Variants in CCDC73 observed in about 807,000 individuals in gnomAD.
CCDC73 encodes the protein coiled-coil domain-containing protein 73.
A neutral mutation model predicts 116.5 loss-of-function variants in CCDC73; 95 were observed. The observed-to-expected ratio is 0.82, with a 90% CI of 0.69 to 0.97. CCDC73 has a LOEUF of 0.97. Ranked by LOEUF, CCDC73 falls within the 50% of genes least tolerant of loss-of-function variation. CCDC73 has a pLI of 0.00. For synonymous variants in CCDC73, 398 were observed against 401.3 expected, an observed-to-expected ratio of 0.99 and a Z score of 0.10; for missense variants, 1,066 against 1,206.8, an observed-to-expected ratio of 0.88 and a Z score of 1.73.
intron 12 of CCDC73, among the ~76,000 whole-genome samples, chr11:32,647,454 T>C (rs1855788982): frequency 6.6e-6 from 1 of 152,034 alleles, no homozygotes. Flanking sequence ...CATCTCAACA[T>C]GAGATTTGGG....
At position 32,675,921 on chromosome 11, in the gene CCDC73, A is replaced by T. The variant is rs776422524; in HGVS notation, c.530T>A (p.Leu177Ter). 1.2e-6 allele frequency: 2 copies of T among 1,607,908 alleles called. No homozygotes were observed. Among genetic ancestry groups the T allele is most frequent in the Non-Finnish European group, 1.7e-6 (2 of 1,177,714 alleles). Residue 177 changes from leucine (L) to a stop codon, truncating the protein, a stop_gained, in exon 8 of 18, where the codon TTG becomes TAG. Transcript: ENST00000335185. LOFTEE classifies it high-confidence loss of function. ...YYATITGQFGLVKENHEKLEQ... is the reference protein window; with the variant it reads ...YYATITGQFG ...TAACTTTTCATGATTCTCTTTTACC[A>T]ATCCAAATTGACCTGTTATTGTGGC...
At chr11:32,781,487 A>G (rs1461572080) in intron 1 of CCDC73, among the ~76,000 whole-genome samples, 1 of 152,210 alleles carries the variant, frequency 6.6e-6, no homozygotes, top group African/African-American at 2.4e-5. Flanking sequence ...TGCTGATACC[A>G]GGTACCTCTA....
At chr11:32,697,287 CTTTTA>C (rs1856319931) in intron 6 of CCDC73, among the ~76,000 whole-genome samples, 1 of 150,996 alleles carries the variant, frequency 6.6e-6, no homozygotes, top group South Asian at 2.1e-4. Context: ...TAAGAACTTT[CTTTTA>C]TATGATCATA....
intron 1 of CCDC73, among the ~76,000 whole-genome samples, chr11:32,783,698 C>G (rs562282784): frequency 4.6e-5 from 7 of 152,016 alleles, no homozygotes; most frequent in Non-Finnish European, 1.0e-4. Context: ...AGGACTCTGC[C>G]TTCATGACCT....
At position 32,675,323 on chromosome 11, in the gene CCDC73, T is replaced by C. The variant is rs564440587; in HGVS notation, c.645+242A>G. Among the ~76,000 whole-genome samples, 7 of 152,286 alleles carry C rather than the reference T, an allele frequency of 4.6e-5. No homozygotes were observed. In the East Asian group the frequency reaches 1.3e-3, roughly 29 times the overall value. On this transcript the variant is annotated intron_variant, in intron 9 of 17. Coordinates refer to ENST00000335185, the MANE Select transcript of CCDC73 (RefSeq NM_001008391.4). ...TGACATACAATGAATCCTTATAAGG[T>C]ATTCATGTGATCATAAAAATGCATG...
intron 12 of CCDC73, among the ~76,000 whole-genome samples, chr11:32,642,978 C>A (rs436895): frequency 6.6e-6 from 1 of 150,928 alleles, no homozygotes; most frequent in African/African-American, 2.4e-5. Context: ...CATAAAAGTA[C>A]GTAAAATATA....
At chr11:32,765,587 C>T (rs1172480099) in intron 1 of CCDC73, among the ~76,000 whole-genome samples, 1 of 152,114 alleles carries the variant, frequency 6.6e-6, no homozygotes, top group East Asian at 1.9e-4. Context: ...CACAACATAC[C>T]AGAATCTCTG....
At chr11:32,768,187 C>A (rs1272230456) in intron 1 of CCDC73, among the ~76,000 whole-genome samples, 2 of 152,112 alleles carry the variant, frequency 1.3e-5, no homozygotes, top group Non-Finnish European at 2.9e-5. Flanking sequence ...ATGGATGAAG[C>A]TGGAAACCAT....
intron 13 of CCDC73, among the ~76,000 whole-genome samples, chr11:32,640,602 T>A (rs1299027028): frequency 6.6e-6 from 1 of 152,186 alleles, no homozygotes; most frequent in Non-Finnish European, 1.5e-5. Context: ...TGTACTAGTA[T>A]ACCATTTAAC....
At chr11:32,643,956 T>C (rs1855754954) in intron 12 of CCDC73, among the ~76,000 whole-genome samples, 1 of 152,174 alleles carries the variant, frequency 6.6e-6, no homozygotes, top group Non-Finnish European at 1.5e-5. Flanking sequence ...ATATTTTCTT[T>C]CTTTATATCC....
intron 2 of CCDC73, among the ~76,000 whole-genome samples, chr11:32,746,805 G>A (rs893921659): frequency 1.3e-5 from 2 of 152,070 alleles, no homozygotes; most frequent in East Asian, 1.9e-4. Context: ...CTCTACACTG[G>A]TTATTCTAGT....
the CCDC73 span, among the ~76,000 whole-genome samples, chr11:32,826,660 CA>C: frequency 0.28 from 37,821 of 133,154 alleles, 5,526 homozygotes; most frequent in South Asian, 0.35. Flanking sequence ...AAAAAAAAAA[CA>C]AAAAAAAAAA....
intron 9 of CCDC73, among the ~76,000 whole-genome samples, chr11:32,668,255 A>C (rs1856005936): frequency 6.6e-6 from 1 of 152,196 alleles, no homozygotes; most frequent in Non-Finnish European, 1.5e-5. Flanking sequence ...ATGAATATTT[A>C]AGTATTCCTT....
chr11:32,607,512 C>G (rs1386892918), intron 17 of CCDC73, among the ~76,000 whole-genome samples: 2 of 152,156 alleles, frequency 1.3e-5, no homozygotes, highest in Non-Finnish European at 2.9e-5. Flanking sequence ...GAAATTTCCA[C>G]TGTTTGAAAG....
intron 2 of CCDC73, among the ~76,000 whole-genome samples, chr11:32,751,214 C>G (rs1554968551): frequency 6.6e-6 from 1 of 152,154 alleles, no homozygotes; most frequent in Non-Finnish European, 1.5e-5. Context: ...CTTACCTCTT[C>G]CCTCTCCTCT....
At chr11:32,610,656 A>G (rs1432212083) in intron 17 of CCDC73, among the ~76,000 whole-genome samples, 1 of 152,162 alleles carries the variant, frequency 6.6e-6, no homozygotes, top group Non-Finnish European at 1.5e-5. Context: ...ACTTTAATAC[A>G]TATATCCATA....
intron 17 of CCDC73, chr11:32,605,982 T>C (rs539262221): frequency 6.6e-6 from 1 of 150,786 alleles, no homozygotes; most frequent in Non-Finnish European, 1.5e-5. Context: ...ATTTTAAAAT[T>C]AAACTTAAAT....
At chr11:32,741,646 T>C (rs995437452) in intron 2 of CCDC73, among the ~76,000 whole-genome samples, 1 of 151,744 alleles carries the variant, frequency 6.6e-6, no homozygotes, top group African/African-American at 2.4e-5. Flanking sequence ...CCACGCTACA[T>C]GTTCTTTATG....
chr11:32,785,316 T>C (rs558608142), intron 1 of CCDC73, among the ~76,000 whole-genome samples: 2 of 152,362 alleles, frequency 1.3e-5, no homozygotes, highest in South Asian at 4.1e-4. Context: ...ATGTATTTCT[T>C]ACAGTGGCTC....
Sources: gnomAD v4.1 joint callset for allele counts (sites outside exome capture counted in the v4.1 genomes callset) on GRCh38, gnomAD v4.1.1 for gene constraint, MANE v1.5 for transcripts, NCBI Gene and HGNC (gene_info 2026-07-23, HGNC 2026-07-21) for gene names.